The following BICD1 variants were observed in gnomAD, a reference collection of about 807,000 sequenced individuals.
BICD1 encodes the protein BICD cargo adaptor 1, also known as protein bicaudal D homolog 1.
A neutral mutation model predicts 92.5 loss-of-function variants in BICD1; 35 were observed. The observed-to-expected ratio is 0.38, with a 90% confidence interval of 0.29 to 0.50. The LOEUF (loss-of-function observed/expected upper bound fraction) is 0.50, where lower values mean the gene tolerates loss of function less well. Among genes scored for constraint, BICD1 ranks in the 20% least tolerant of loss-of-function variants. BICD1 has a pLI of 0.93. For synonymous variants in BICD1, 429 were observed against 465.1 expected (o/e 0.92, Z 1.00); for missense variants, 950 against 1,189.8 (o/e 0.80, Z 2.97).
At chr12:32,119,687 C>A in intron 1 of BICD1, among the ~76,000 whole-genome samples, 1 of 152,186 alleles carries the variant, frequency 6.6e-6, no homozygotes, top group East Asian at 1.9e-4. Flanking sequence ...GCCTGACCAA[C>A]GTGGCGAAAC....
intron 4 of BICD1, among the ~76,000 whole-genome samples, chr12:32,314,939 C>T (rs1051285740): frequency 6.6e-6 from 1 of 152,044 alleles, no homozygotes; most frequent in Admixed American, 6.6e-5. Flanking sequence ...TGCCACTATG[C>T]CCAGCTAAAA....
intron 8 of BICD1, among the ~76,000 whole-genome samples, chr12:32,365,217 A>C (rs560795504): frequency 2.6e-5 from 4 of 152,330 alleles, no homozygotes; most frequent in African/African-American, 9.6e-5. Context: ...AGCCTGGGCA[A>C]CAAGAGCAAA....
At chr12:32,282,387 AT>A (rs2136171444) in intron 2 of BICD1, among the ~76,000 whole-genome samples, 1 of 151,716 alleles carries the variant, frequency 6.6e-6, no homozygotes, top group Non-Finnish European at 1.5e-5. Context: ...CACCCAGCTA[AT>A]TTTTGTATTT....
chr12:32,315,549 A>G (rs1466340130), intron 4 of BICD1, among the ~76,000 whole-genome samples: 1 of 152,148 alleles, frequency 6.6e-6, no homozygotes, highest in Non-Finnish European at 1.5e-5. Context: ...ATGTAAATAA[A>G]TTTGGGTAGT....
intron 4 of BICD1, among the ~76,000 whole-genome samples, chr12:32,318,127 G>A (rs1322233378): frequency 6.6e-6 from 1 of 152,006 alleles, no homozygotes; most frequent in Non-Finnish European, 1.5e-5. Flanking sequence ...TTGTAGTATA[G>A]TTTGAAGTCA....
chr12:32,150,118 G>A (rs1416270469), intron 1 of BICD1, among the ~76,000 whole-genome samples: 1 of 152,278 alleles, frequency 6.6e-6, no homozygotes, highest in East Asian at 1.9e-4. Context: ...CATGAGAATG[G>A]CATGGGAAAG....
At chr12:32,273,299 C>A (rs185204202) in intron 2 of BICD1, among the ~76,000 whole-genome samples, 25 of 152,290 alleles carry the variant, frequency 1.6e-4, no homozygotes, top group Admixed American at 1.5e-3. Flanking sequence ...GGAGTAGTGA[C>A]ACAGAGTCAG....
chr12:32,117,814 G>C (rs2121199817), intron 1 of BICD1, among the ~76,000 whole-genome samples: 1 of 147,104 alleles, frequency 6.8e-6, no homozygotes, highest in East Asian at 2.0e-4. Context: ...GCAATGGCAT[G>C]ATCTCAGCTC....
chr12:32,346,616 GTATATATATATATATATACGTGTA>G (rs1446825083), intron 8 of BICD1, among the ~76,000 whole-genome samples: 2 of 2,874 alleles, frequency 7.0e-4, no homozygotes, highest in South Asian at 0.011. Context: ...ATATATACGT[GTATATATATATATATATACGTGTA>G]TATATATATA....
At chr12:32,158,838 A>G (rs923613487) in intron 1 of BICD1, among the ~76,000 whole-genome samples, 2 of 152,180 alleles carry the variant, frequency 1.3e-5, no homozygotes, top group African/African-American at 2.4e-5. Context: ...AGGGCCTTGC[A>G]CAGCACTTGC....
At chr12:32,370,359 GA>G (rs112090333) in intron 9 of BICD1, among the ~76,000 whole-genome samples, 1,329 of 123,772 alleles carry the variant, frequency 0.011, 12 homozygotes, top group South Asian at 0.032. Flanking sequence ...GAGCAAAAAA[GA>G]AAAAAAAAAA....
At chr12:32,135,996 G>C (rs1244882326) in intron 1 of BICD1, among the ~76,000 whole-genome samples, 2 of 152,148 alleles carry the variant, frequency 1.3e-5, no homozygotes, top group Admixed American at 6.5e-5. Context: ...TAACAGTATA[G>C]GACTGATGTT....
intron 1 of BICD1, among the ~76,000 whole-genome samples, chr12:32,162,407 A>G (rs537533989): frequency 9.8e-5 from 15 of 152,330 alleles, no homozygotes; most frequent in Non-Finnish European, 1.9e-4. Flanking sequence ...ACTGACATGG[A>G]TAAATGACAT....
In BICD1 at chr12:32,216,317, T is replaced by G. The variant is rs753565776; in HGVS notation, c.284T>G (p.Leu95Arg). 1 of 1,614,222 alleles carries G rather than the reference T, an allele frequency of 6.2e-7. No individual in the cohort carries two copies. Among genetic ancestry groups the G allele is most frequent in the Admixed American group, 1.7e-5 (1 of 60,020 alleles). Residue 95 changes from leucine to arginine, a missense_variant, in exon 2 of 10, where the codon CTG (leucine) becomes CGG (arginine). Physicochemically the swap from Leu to Arg is moderately radical, Grantham distance 102 (BLOSUM62 -2). Around this residue, in one of 5 missense-constraint regions of BICD1, gnomAD observed 202 missense variants for 205.3 expected, o/e 0.98. Coordinates refer to ENST00000652176, the MANE Select transcript of BICD1 (RefSeq NM_001714.4). ...GGAGAGACTCGGGAGGAAACGCTTC[T>G]GCAGGAGTCAGCATCGAAGGAGGCT... ...EDGETREETL[L>R]QESASKEAYY...
intron 1 of BICD1, among the ~76,000 whole-genome samples, chr12:32,135,119 C>T (rs560814340): frequency 8.7e-6 from 1 of 114,904 alleles, no homozygotes; most frequent in East Asian, 3.2e-4. Flanking sequence ...GACGGAGTCT[C>T]ACTGTGTCAC....
Position 32,383,367 on chromosome 12 carries a change from C to T in BICD1, c.*5740C>T, listed in dbSNP as rs969161420. ...GCATTTATTTTAAATTCAAAAAATTCTTATGAATTTATTATTGCTTGTACT... is the reference window on the plus strand; with the variant it reads ...GCATTTATTTTAAATTCAAAAAATTTTTATGAATTTATTATTGCTTGTACT... On this transcript the variant is annotated 3_prime_UTR_variant, in exon 10 of 10. Coordinates refer to ENST00000652176, the MANE Select transcript of BICD1 (RefSeq NM_001714.4). 1.3e-5 allele frequency: 2 copies of T among 152,050 alleles called. No individual in the cohort carries two copies. Among genetic ancestry groups the T allele is most frequent in the African/African-American group, 2.4e-5 (1 of 41,426 alleles). 9.4% of individuals were successfully genotyped at this position (152,050 alleles called of 1,614,324 possible).
At chr12:32,135,061 C>CCTCCCCTCCCCTTCTCCT (rs1942682777) in intron 1 of BICD1, among the ~76,000 whole-genome samples, 2 of 125,188 alleles carry the variant, frequency 1.6e-5, no homozygotes, top group Non-Finnish European at 3.2e-5. Flanking sequence ...CCTCCATTCC[C>CCTCCCCTCCCCTTCTCCT]CTCCCCTCCC....
intron 1 of BICD1, among the ~76,000 whole-genome samples, chr12:32,170,743 C>G (rs1403730124): frequency 6.6e-6 from 1 of 152,082 alleles, no homozygotes; most frequent in African/African-American, 2.4e-5. Context: ...TTATCTGGTC[C>G]AGTGATTCTC....
chr12:32,165,682 CAAA>C (rs35023796), intron 1 of BICD1, among the ~76,000 whole-genome samples: 126 of 128,090 alleles, frequency 9.8e-4, no homozygotes, highest in East Asian at 2.1e-3. Context: ...GACTCTGTCT[CAAA>C]AAAAAAAAAA....
Sources: gnomAD v4.1 joint callset for allele counts (sites outside exome capture counted in the v4.1 genomes callset) on GRCh38, gnomAD v4.1.1 for gene constraint, gnomAD v4.1.1 regional missense constraint, MANE v1.5 for transcripts, NCBI Gene and HGNC (gene_info 2026-07-23, HGNC 2026-07-21) for gene names.